The following ANKS1B variants were observed in gnomAD, a reference collection of about 807,000 sequenced individuals.
ANKS1B encodes the protein ankyrin repeat and sterile alpha motif domain containing 1B.
Under a neutral mutation model 148.3 loss-of-function variants are expected in ANKS1B, and 36 were observed. That is an observed-to-expected ratio of 0.24 (90% CI 0.19 to 0.32). The LOEUF (loss-of-function observed/expected upper bound fraction) is 0.32, where lower values mean the gene tolerates loss of function less well. Among genes scored for constraint, ANKS1B ranks in the 10% least tolerant of loss-of-function variants. ANKS1B has a pLI of 1.00. For missense variants in ANKS1B, 1,157 were observed against 1,542.6 expected (o/e 0.75, Z 4.19); for synonymous variants, 542 against 560.8 (o/e 0.97, Z 0.47).
At chr12:99,074,081 A>C (rs1046945843) in intron 16 of ANKS1B, among the ~76,000 whole-genome samples, 1 of 152,182 alleles carries the variant, frequency 6.6e-6, no homozygotes, top group Non-Finnish European at 1.5e-5. Context: ...AAGTGCTCAG[A>C]TATCTAAAGC....
intron 17 of ANKS1B, among the ~76,000 whole-genome samples, chr12:98,970,336 C>T (rs2099882129): frequency 6.6e-6 from 1 of 152,122 alleles, no homozygotes; most frequent in Non-Finnish European, 1.5e-5. Context: ...AAATTTGCTA[C>T]CTGTCTCTTT....
At chr12:99,804,605 G>A (rs890711127) in intron 4 of ANKS1B, among the ~76,000 whole-genome samples, 2 of 152,104 alleles carry the variant, frequency 1.3e-5, no homozygotes, top group African/African-American at 2.4e-5. Context: ...ACAATTCCTA[G>A]GAAATATAAC....
chr12:98,816,352 A>ATCT (rs2099140069), intron 19 of ANKS1B, among the ~76,000 whole-genome samples: 1 of 152,124 alleles, frequency 6.6e-6, no homozygotes, highest in Admixed American at 6.5e-5. Flanking sequence ...AGGGAGTGCA[A>ATCT]TGGCACGATC....
At chr12:99,692,758 C>T (rs140739486) in intron 8 of ANKS1B, among the ~76,000 whole-genome samples, 6 of 151,552 alleles carry the variant, frequency 4.0e-5, no homozygotes, top group East Asian at 1.9e-4. Flanking sequence ...GGTGGGTTGT[C>T]GTTTATTAAG....
intron 16 of ANKS1B, among the ~76,000 whole-genome samples, chr12:99,067,300 G>T (rs2153577354): frequency 6.6e-6 from 1 of 152,308 alleles, no homozygotes; most frequent in East Asian, 1.9e-4. Context: ...GGCATTGGCA[G>T]AACATTCAGT....
At chr12:99,641,902 A>T (rs945863591) in intron 9 of ANKS1B, among the ~76,000 whole-genome samples, 1 of 152,160 alleles carries the variant, frequency 6.6e-6, no homozygotes, top group East Asian at 1.9e-4. Context: ...AATTTGGCTC[A>T]AACACAATAG....
At chr12:98,843,347 T>C (rs1388888789) in intron 17 of ANKS1B, among the ~76,000 whole-genome samples, 1 of 152,218 alleles carries the variant, frequency 6.6e-6, no homozygotes, top group African/African-American at 2.4e-5. Flanking sequence ...AGTGGGTTGT[T>C]AAGAAGCCAG....
intron 1 of ANKS1B, among the ~76,000 whole-genome samples, chr12:99,943,168 A>T (rs11110145): frequency 0.067 from 10,179 of 152,262 alleles, 404 homozygotes; most frequent in Non-Finnish European, 0.081. Context: ...AACTCTGATC[A>T]AACCACATCT....
At chr12:99,653,678 C>CTTT (rs199988255) in intron 9 of ANKS1B, among the ~76,000 whole-genome samples, 101 of 113,368 alleles carry the variant, frequency 8.9e-4, no homozygotes, top group Non-Finnish European at 1.1e-3. Context: ...TTCTTTCTTT[C>CTTT]TTTTTTTTTT....
chr12:99,263,107 G>A (rs536359374), intron 12 of ANKS1B, among the ~76,000 whole-genome samples: 13 of 151,888 alleles, frequency 8.6e-5, no homozygotes, highest in Middle Eastern at 3.4e-3. Flanking sequence ...TTCCCATTTC[G>A]TAGGTGAGGA....
Position 99,443,715 on chromosome 12 carries a change from AG to A in ANKS1B, c.1532del (p.Pro511LeufsTer9). The A allele has an allele frequency of 6.2e-7, 1 of 1,612,290 alleles. No individual in the cohort carries two copies. On this transcript the variant is annotated frameshift_variant, in exon 11 of 27. Coordinates refer to ENST00000683438, the MANE Select transcript of ANKS1B (RefSeq NM_001352186.2). LOFTEE classifies it high-confidence loss of function. ...GPTPDCSPPS[P>X]DTALKNIVKV... Reference sequence around the variant, plus strand: ...TTACAATATTTTTGAGGGCAGTATCAGGGGATGGAGGTGAACAATCAGGTGT... The same window carrying A: ...TTACAATATTTTTGAGGGCAGTATCAGGGATGGAGGTGAACAATCAGGTGT...
chr12:99,072,019 C>T (rs1310045542), intron 16 of ANKS1B, among the ~76,000 whole-genome samples: 1 of 152,112 alleles, frequency 6.6e-6, no homozygotes, highest in African/African-American at 2.4e-5. Context: ...ATGGACTAAA[C>T]AATAATCTTT....
chr12:98,746,049 G>A (rs755657891), intron 26 of ANKS1B, among the ~76,000 whole-genome samples, 200 bp from the exon 27 acceptor site: 2 of 152,184 alleles, frequency 1.3e-5, no homozygotes, highest in African/African-American at 4.8e-5. Flanking sequence ...TGAGGGTGAC[G>A]GTGAATAAGG....
At chr12:99,593,309 G>T (rs188756461) in intron 9 of ANKS1B, among the ~76,000 whole-genome samples, 1 of 152,106 alleles carries the variant, frequency 6.6e-6, no homozygotes, top group East Asian at 1.9e-4. Flanking sequence ...AATAATCAAA[G>T]AAAACATTAA....
At chr12:99,021,145 A>C (rs1301237073) in intron 17 of ANKS1B, among the ~76,000 whole-genome samples, 1 of 152,130 alleles carries the variant, frequency 6.6e-6, no homozygotes, top group Non-Finnish European at 1.5e-5. Context: ...CCTAGTCTCA[A>C]CACTAGTCAG....
intron 1 of ANKS1B, among the ~76,000 whole-genome samples, chr12:99,857,323 T>A (rs1406017695): frequency 1.3e-5 from 2 of 151,822 alleles, no homozygotes; most frequent in Non-Finnish European, 2.9e-5. Context: ...TAGGAATATA[T>A]CTAACCAAGG....
chr12:99,933,971 T>A (rs1235121786), intron 1 of ANKS1B, among the ~76,000 whole-genome samples: 2 of 152,060 alleles, frequency 1.3e-5, no homozygotes, highest in Non-Finnish European at 2.9e-5. Flanking sequence ...TTATCAAATG[T>A]TTTTTCAGTA....
chr12:99,886,698 C>T (rs2092838699), intron 1 of ANKS1B, among the ~76,000 whole-genome samples: 1 of 152,092 alleles, frequency 6.6e-6, no homozygotes, highest in Non-Finnish European at 1.5e-5. Context: ...TTGAACCTGA[C>T]AAAAATAAGA....
chr12:99,294,946 GAATAT>G (rs1325463969), intron 12 of ANKS1B, among the ~76,000 whole-genome samples: 1 of 152,124 alleles, frequency 6.6e-6, no homozygotes, highest in Non-Finnish European at 1.5e-5. Flanking sequence ...ATAACTAAAA[GAATAT>G]AATTGGAAGG....
Sources: allele counts gnomAD v4.1 joint callset (sites outside exome capture counted in the v4.1 genomes callset), GRCh38; gene constraint gnomAD v4.1.1; transcripts MANE v1.5; gene names NCBI Gene and HGNC (gene_info 2026-07-23, HGNC 2026-07-21).